GPBP1L1: variants seen among roughly 807,000 people sequenced by gnomAD.
GPBP1L1 encodes the protein vasculin-like protein 1.
A neutral mutation model predicts 52.5 loss-of-function variants in GPBP1L1; 23 were observed. That is an observed-to-expected ratio of 0.44 (90% CI 0.32 to 0.62). GPBP1L1 has a LOEUF of 0.62. Ranked by LOEUF, GPBP1L1 falls within the 20% of genes least tolerant of loss-of-function variation. GPBP1L1 has a pLI of 0.06. For missense variants in GPBP1L1, 596 were observed against 579.3 expected (o/e 1.03, Z -0.30); for synonymous variants, 243 against 203.1 (o/e 1.20, Z -1.67).
At chr1:45,638,741 A>T (rs563681413) in intron 8 of GPBP1L1, among the ~76,000 whole-genome samples, 50 of 152,324 alleles carry the variant, frequency 3.3e-4, no homozygotes, top group South Asian at 8.3e-4. Flanking sequence ...GAAGTTCGAG[A>T]CCAGCCTGGG....
chr1:45,660,133 T>A (rs1379584843), intron 3 of GPBP1L1, 51 bp downstream of exon 3: 1 of 941,404 alleles, frequency 1.1e-6, no homozygotes, highest in Admixed American at 6.2e-5. Context: ...TTTTTCATGA[T>A]GCATATACAT....
intron 6 of GPBP1L1, among the ~76,000 whole-genome samples, chr1:45,652,830 T>A (rs776464999): frequency 6.6e-6 from 1 of 152,146 alleles, no homozygotes; most frequent in Non-Finnish European, 1.5e-5. Flanking sequence ...AATGCTTTCA[T>A]TGCTAGTTTG....
intron 6 of GPBP1L1, among the ~76,000 whole-genome samples, chr1:45,644,408 T>C (rs1644714013): frequency 6.6e-6 from 1 of 152,154 alleles, no homozygotes; most frequent in Non-Finnish European, 1.5e-5. Flanking sequence ...ACAGGAAAAA[T>C]ATAAAACAAA....
chr1:45,675,500 T>G (rs1645128639), intron 2 of GPBP1L1, among the ~76,000 whole-genome samples: 1 of 152,104 alleles, frequency 6.6e-6, no homozygotes, highest in Non-Finnish European at 1.5e-5. Flanking sequence ...AATGGTAATT[T>G]TTTAAAGGTG....
chr1:45,644,753 G>A (rs1644720196), intron 6 of GPBP1L1, among the ~76,000 whole-genome samples: 1 of 152,158 alleles, frequency 6.6e-6, no homozygotes, highest in South Asian at 2.1e-4. Context: ...ATAACATGTG[G>A]TTGTGCTTCT....
chr1:45,654,464 G>A, intron 6 of GPBP1L1, 79 bp downstream of exon 6: 1 of 1,280,474 alleles, frequency 7.8e-7, no homozygotes, highest in East Asian at 2.4e-5. Flanking sequence ...TTTCTGAAAT[G>A]TTCTCATTAC....
intron 12 of GPBP1L1, among the ~76,000 whole-genome samples, chr1:45,629,174 AAGCTATTT>A (rs1644496080): frequency 6.6e-6 from 1 of 152,162 alleles, no homozygotes; most frequent in African/African-American, 2.4e-5. Flanking sequence ...AAACTGACAC[AAGCTATTT>A]AGCTTCTTAG....
chr1:45,660,561 C>A lies in GPBP1L1; in HGVS notation c.-433G>T. 1 of 984,366 alleles carries A rather than the reference C, an allele frequency of 1.0e-6. No homozygotes were observed. Among genetic ancestry groups the A allele is most frequent in the Non-Finnish European group, 1.2e-6 (1 of 829,126 alleles). The allele number at this position is 984,366 out of a possible 1,614,324, so 61.0% of individuals were successfully genotyped here. On this transcript the variant is annotated 5_prime_UTR_variant, in exon 3 of 13. Transcript: ENST00000355105. Reference sequence around the variant, plus strand: ...TTAGGTAAGACATGGATATTTGCACCGAGTGCAAATACTGTTCATAACAAG... The same window carrying A: ...TTAGGTAAGACATGGATATTTGCACAGAGTGCAAATACTGTTCATAACAAG...
chr1:45,665,151 G>T (rs758609575), intron 2 of GPBP1L1, among the ~76,000 whole-genome samples: 4 of 152,036 alleles, frequency 2.6e-5, no homozygotes, highest in Non-Finnish European at 5.9e-5. Context: ...TTCGCTGGGT[G>T]TCGTGGCTGG....
chr1:45,632,384 C>A (rs532627801), intron 10 of GPBP1L1, among the ~76,000 whole-genome samples: 7 of 152,108 alleles, frequency 4.6e-5, no homozygotes, highest in African/African-American at 1.4e-4. Flanking sequence ...GCCTGGGCAA[C>A]AGAGTGAAAC....
At position 45,630,508 on chromosome 1, in the gene GPBP1L1, G is replaced by A; in HGVS notation, c.1143C>T (p.Leu381=). 6.2e-7 allele frequency: 1 copy of A among 1,613,942 alleles called. No homozygotes were observed. The highest frequency in any genetic ancestry group is 8.5e-7 in the Non-Finnish European group (1 of 1,179,842). ...TGTGCTCTGCTTCTAGAGAGTGTGAGAGAACCTCCCCTTCTTCCACTACAG... is the reference window on the plus strand; with the variant it reads ...TGTGCTCTGCTTCTAGAGAGTGTGAAAGAACCTCCCCTTCTTCCACTACAG... The part of the protein sequence containing the change: ...ALPVVEEGEV[L]SHSLEAEHRL... Residue 381 remains leucine (L), a synonymous_variant, in exon 11 of 13, where the codon CTC becomes CTT. Coordinates refer to ENST00000355105, the MANE Select transcript of GPBP1L1 (RefSeq NM_021639.5).
chr1:45,682,951 T>A (rs1397029854), intron 2 of GPBP1L1, among the ~76,000 whole-genome samples: 2 of 152,154 alleles, frequency 1.3e-5, no homozygotes, highest in Non-Finnish European at 2.9e-5. Context: ...CACAACCACG[T>A]ATTAAATTCC....
At chr1:45,658,885 T>C in intron 4 of GPBP1L1, 143 bp downstream of exon 4, 1 of 638,584 alleles carries the variant, frequency 1.6e-6, no homozygotes, top group Non-Finnish European at 2.8e-6. Flanking sequence ...AAAGCTGCAG[T>C]AAGCTGTGAT....
At chr1:45,640,189 T>C in intron 8 of GPBP1L1, 21 bp downstream of exon 8, 3 of 1,594,236 alleles carry the variant, frequency 1.9e-6, no homozygotes, top group Non-Finnish European at 2.6e-6. Flanking sequence ...ATAAGGTTCT[T>C]GCCCTGATTC....
chr1:45,683,202 C>CT (rs1398765429), intron 2 of GPBP1L1, among the ~76,000 whole-genome samples: 3 of 129,516 alleles, frequency 2.3e-5, no homozygotes, highest in East Asian at 4.5e-4. Flanking sequence ...TGAATATAGG[C>CT]CTTTTTTTTT....
chr1:45,652,010 T>C (rs1644825046), intron 6 of GPBP1L1, among the ~76,000 whole-genome samples: 1 of 151,974 alleles, frequency 6.6e-6, no homozygotes, highest in Non-Finnish European at 1.5e-5. Flanking sequence ...TGCTATAGAG[T>C]AGTAAAAAAG....
intron 11 of GPBP1L1, among the ~76,000 whole-genome samples, chr1:45,630,044 G>A (rs1015533874): frequency 2.0e-4 from 30 of 151,132 alleles, no homozygotes; most frequent in Non-Finnish European, 3.5e-4. Flanking sequence ...TCCGCCTCCC[G>A]GGTTCAAGCC....
At chr1:45,654,366 T>A in intron 6 of GPBP1L1, 177 bp downstream of exon 6, 1 of 561,710 alleles carries the variant, frequency 1.8e-6, no homozygotes, top group Non-Finnish European at 2.9e-6. Context: ...TACATAGGAG[T>A]TTTGGTCACC....
chr1:45,656,621 A>C (rs1472905365), intron 4 of GPBP1L1, among the ~76,000 whole-genome samples: 1 of 151,928 alleles, frequency 6.6e-6, no homozygotes, highest in Non-Finnish European at 1.5e-5. Flanking sequence ...TTCCCCATTG[A>C]ATTACCTTTG....
Sources: allele counts gnomAD v4.1 joint callset (sites outside exome capture counted in the v4.1 genomes callset), GRCh38; gene constraint gnomAD v4.1.1; transcripts MANE v1.5; gene names NCBI Gene and HGNC (gene_info 2026-07-23, HGNC 2026-07-21).